NKD1: variants seen among roughly 807,000 people sequenced by gnomAD.
NKD1 encodes protein naked cuticle homolog 1.
In NKD1, 21 loss-of-function variants were observed where a neutral mutation model predicts 56.0. That is an observed-to-expected ratio of 0.38 (90% CI 0.27 to 0.54). The LOEUF (loss-of-function observed/expected upper bound fraction) is 0.54. NKD1 is among the 20% of genes least tolerant of loss of function. The pLI is 0.82. For synonymous variants in NKD1, 263 were observed against 265.7 expected (o/e 0.99, Z 0.10); for missense variants, 578 against 642.7 (o/e 0.90, Z 1.09).
In NKD1 at chr16:50,643,817, A is replaced by G. The variant is rs1962625779; in HGVS notation, c.*10036A>G. The G allele has an allele frequency of 6.6e-6, 1 of 152,242 alleles. No homozygotes were observed. The allele number at this position is 152,242 out of a possible 1,614,324, so 9.4% of individuals were successfully genotyped here. On this transcript the variant is annotated 3_prime_UTR_variant, in exon 10 of 10. Transcript: ENST00000268459. ...TTCGTTAACATTGAACTCAGCCAACAGCTCTATAACTCATGACTGAATGAA... is the reference window on the plus strand; with the variant it reads ...TTCGTTAACATTGAACTCAGCCAACGGCTCTATAACTCATGACTGAATGAA...
At chr16:50,618,443 A>G (rs1962012158) in intron 4 of NKD1, among the ~76,000 whole-genome samples, 1 of 152,062 alleles carries the variant, frequency 6.6e-6, no homozygotes, top group Non-Finnish European at 1.5e-5. Flanking sequence ...GTGGGCCTGC[A>G]CTCACTGATG....
At chr16:50,591,275 T>C (rs1337113511) in intron 3 of NKD1, among the ~76,000 whole-genome samples, 1 of 152,258 alleles carries the variant, frequency 6.6e-6, no homozygotes, top group Non-Finnish European at 1.5e-5. Context: ...TCTCCATCTG[T>C]AGCCACTGTG....
At chr16:50,621,831 C>T in intron 5 of NKD1, 123 bp downstream of exon 5, 2 of 716,574 alleles carry the variant, frequency 2.8e-6, no homozygotes, top group Non-Finnish European at 4.7e-6. Context: ...ATGAACAGCA[C>T]CCTCTGTGGG....
intron 3 of NKD1, chr16:50,562,385 T>A: frequency 4.0e-6 from 2 of 505,420 alleles, no homozygotes; most frequent in Non-Finnish European, 5.1e-6. Flanking sequence ...TGGAGAATTT[T>A]GCTTTTCATT....
intron 2 of NKD1, 136 bp downstream of exon 2, chr16:50,548,885 C>A: frequency 8.8e-7 from 1 of 1,142,754 alleles, no homozygotes; most frequent in South Asian, 2.3e-5. Flanking sequence ...CCCCCAAGCC[C>A]GCTCCCTGAG....
At chr16:50,551,588 C>T (rs1025551982) in intron 3 of NKD1, among the ~76,000 whole-genome samples, 1 of 152,110 alleles carries the variant, frequency 6.6e-6, no homozygotes, top group Non-Finnish European at 1.5e-5. Context: ...GATGGCCCAG[C>T]CAGTGTGTCT....
intron 3 of NKD1, among the ~76,000 whole-genome samples, chr16:50,605,326 C>A (rs1003079183): frequency 6.0e-5 from 9 of 151,242 alleles, no homozygotes; most frequent in African/African-American, 2.0e-4. Context: ...AGGCCACTTT[C>A]TTTGTAGAAA....
In NKD1 at chr16:50,637,811, TG is replaced by T. The variant is rs1962501110; in HGVS notation, c.*4035del. The T allele has an allele frequency of 6.6e-6, 1 of 152,196 alleles. No individual in the cohort carries two copies. Among genetic ancestry groups the T allele is most frequent in the Non-Finnish European group, 1.5e-5 (1 of 68,078 alleles). The allele number at this position is 152,196 out of a possible 1,614,324, so 9.4% of individuals were successfully genotyped here. ...TGCCCCATCCCCTGAGCTCTGAGCG[TG>T]GGGGTTCCCCTGGGGAGACTCCTGG... is the stretch of plus-strand genomic sequence containing the variant. On this transcript the variant is annotated 3_prime_UTR_variant, in exon 10 of 10. Coordinates refer to ENST00000268459, the MANE Select transcript of NKD1 (RefSeq NM_033119.5).
rs1023601137 is a variant in NKD1 at position 50,638,139 on chromosome 16, G to A, written c.*4358G>A. On this transcript the variant is annotated 3_prime_UTR_variant, in exon 10 of 10. Transcript: ENST00000268459. ...AGCCTCTGAAGTGTGGCAGGAGGAGGGGAAGTCTGCCTGCATCTTGGTGTG... is the reference window on the plus strand; with the variant it reads ...AGCCTCTGAAGTGTGGCAGGAGGAGAGGAAGTCTGCCTGCATCTTGGTGTG... 3 of 152,178 alleles carry A rather than the reference G, an allele frequency of 2.0e-5. No individual in the cohort carries two copies. Among genetic ancestry groups the A allele is most frequent in the Non-Finnish European group, 4.4e-5 (3 of 68,042 alleles). 9.4% of individuals were successfully genotyped at this position (152,178 alleles called of 1,614,324 possible). A position where few individuals can be genotyped will look rare whatever the true frequency, so the allele number is the denominator to read the frequency against.
chr16:50,618,937 C>T (rs1962025619), intron 4 of NKD1, among the ~76,000 whole-genome samples: 1 of 152,182 alleles, frequency 6.6e-6, no homozygotes, highest in African/African-American at 2.4e-5. Flanking sequence ...TGAGGGAAGA[C>T]AGGCTGTCCG....
At chr16:50,603,114 CTATGT>C (rs1961633768) in intron 3 of NKD1, among the ~76,000 whole-genome samples, 10 of 152,208 alleles carry the variant, frequency 6.6e-5, no homozygotes, top group Admixed American at 5.9e-4. Context: ...GGCATGTTGT[CTATGT>C]TTTCTCATTG....
chr16:50,548,571 C>T lies in NKD1; in HGVS notation c.18C>T (p.Ser6=). The T allele has an allele frequency of 1.4e-6, 2 of 1,470,096 alleles. No homozygotes were observed. Among genetic ancestry groups the T allele is most frequent in the Non-Finnish European group, 1.8e-6 (2 of 1,116,446 alleles). 91.1% of individuals were successfully genotyped at this position (1,470,096 alleles called of 1,614,324 possible). Residue 6 remains serine (S), a synonymous_variant, in exon 1 of 10, where the codon TCC becomes TCT. Coordinates refer to ENST00000268459, the MANE Select transcript of NKD1 (RefSeq NM_033119.5). MGKLH[S]KPAAVCKRRE... ...GCCCCAGCATGGGGAAACTTCACTC[C>T]AAGCCGGGTCAGTGCCCCCGCCCGC... is the stretch of plus-strand genomic sequence containing the variant.
intron 3 of NKD1, among the ~76,000 whole-genome samples, chr16:50,578,961 A>AAT (rs1246022195): frequency 6.6e-6 from 1 of 152,172 alleles, no homozygotes; most frequent in African/African-American, 2.4e-5. Flanking sequence ...GGCTGTTATG[A>AAT]GGGTCTAATA....
chr16:50,611,506 A>G (rs1456759843), intron 4 of NKD1, among the ~76,000 whole-genome samples: 1 of 152,168 alleles, frequency 6.6e-6, no homozygotes, highest in Non-Finnish European at 1.5e-5. Context: ...TGGCGTGCGC[A>G]TGTGGCAGCC....
intron 4 of NKD1, among the ~76,000 whole-genome samples, chr16:50,614,444 C>G (rs1567349559): frequency 1.3e-5 from 2 of 152,164 alleles, no homozygotes; most frequent in Non-Finnish European, 2.9e-5. Flanking sequence ...CTCTCCCTCT[C>G]CATCATCTCT....
chr16:50,579,901 C>T (rs1961079686), intron 3 of NKD1, among the ~76,000 whole-genome samples: 1 of 152,174 alleles, frequency 6.6e-6, no homozygotes, highest in Admixed American at 6.5e-5. Context: ...CGCACTCTAA[C>T]TCGCCACACA....
At chr16:50,631,182 G>A (rs1476867108) in intron 8 of NKD1, among the ~76,000 whole-genome samples, 1 of 152,194 alleles carries the variant, frequency 6.6e-6, no homozygotes, top group African/African-American at 2.4e-5. Flanking sequence ...AGGCTCTGAC[G>A]TGTTGCTGTT....
chr16:50,625,844 G>C (rs944476404), intron 6 of NKD1, among the ~76,000 whole-genome samples: 12 of 94,172 alleles, frequency 1.3e-4, no homozygotes, highest in Admixed American at 4.8e-4. Context: ...AAGAAGTTGG[G>C]GGGGGCAGGT....
intron 3 of NKD1, among the ~76,000 whole-genome samples, chr16:50,584,702 A>G (rs1961190436): frequency 6.6e-6 from 1 of 152,232 alleles, no homozygotes; most frequent in Non-Finnish European, 1.5e-5. Flanking sequence ...CTTATAAGCA[A>G]CCCAAGGCCA....
Sources: gnomAD v4.1 joint callset for allele counts (sites outside exome capture counted in the v4.1 genomes callset) on GRCh38, gnomAD v4.1.1 for gene constraint, MANE v1.5 for transcripts, NCBI Gene and HGNC (gene_info 2026-07-23, HGNC 2026-07-21) for gene names.